The following RHPN2 variants were observed in gnomAD, a reference collection of about 807,000 sequenced individuals.
RHPN2 encodes rhophilin-2.
A neutral mutation model predicts 79.0 loss-of-function variants in RHPN2; 40 were observed. The observed-to-expected ratio is 0.51, with a 90% confidence interval of 0.39 to 0.66. RHPN2 has a LOEUF of 0.66. RHPN2 is among the 30% of genes least tolerant of loss of function. The pLI, the probability that RHPN2 is intolerant of heterozygous loss-of-function variation, is 0.00. For missense variants in RHPN2, 686 were observed against 883.5 expected, an observed-to-expected ratio of 0.78 and a Z score of 2.83; for synonymous variants, 285 against 363.5, an observed-to-expected ratio of 0.78 and a Z score of 2.46.
chr19:32,986,790 T>A (rs1971615920), intron 14 of RHPN2, among the ~76,000 whole-genome samples: 1 of 134,616 alleles, frequency 7.4e-6, no homozygotes, highest in African/African-American at 3.1e-5. Context: ...CAAGACTCTG[T>A]CTCAAAAAAA....
chr19:33,002,426 A>C (rs777351355), intron 8 of RHPN2, 23 bp from the exon 9 acceptor site: 1 of 1,613,620 alleles, frequency 6.2e-7, no homozygotes. Flanking sequence ...GGACACTGGG[A>C]AGGGGCAGCC....
intron 1 of RHPN2, among the ~76,000 whole-genome samples, chr19:33,061,760 G>A (rs950281395): frequency 1.3e-5 from 2 of 151,658 alleles, no homozygotes; most frequent in African/African-American, 4.8e-5. Context: ...CTGGGATTAC[G>A]GGTGTGAGCC....
intron 4 of RHPN2, among the ~76,000 whole-genome samples, chr19:33,019,754 A>T (rs1418693460): frequency 3.3e-5 from 5 of 151,672 alleles, no homozygotes; most frequent in Non-Finnish European, 7.4e-5. Context: ...AAAAAGTGAG[A>T]CTCTGTCTCA....
At chr19:33,046,368 C>A (rs901327100) in intron 1 of RHPN2, among the ~76,000 whole-genome samples, 5 of 151,960 alleles carry the variant, frequency 3.3e-5, no homozygotes, top group Non-Finnish European at 7.4e-5. Context: ...CAGGTTCGAA[C>A]GATTCTCCTG....
intron 2 of RHPN2, among the ~76,000 whole-genome samples, chr19:33,031,444 C>A (rs1351916093): frequency 6.6e-6 from 1 of 151,686 alleles, no homozygotes; most frequent in Non-Finnish European, 1.5e-5. Flanking sequence ...ATTTTTTCAC[C>A]ATGTTGCCCA....
intron 7 of RHPN2, among the ~76,000 whole-genome samples, chr19:33,005,284 A>G (rs1398688018): frequency 6.6e-6 from 1 of 151,604 alleles, no homozygotes; most frequent in African/African-American, 2.4e-5. Flanking sequence ...GTGGTGGTGC[A>G]CGCCTATAAT....
At chr19:33,057,500 G>A (rs772006464) in intron 1 of RHPN2, among the ~76,000 whole-genome samples, 1 of 151,416 alleles carries the variant, frequency 6.6e-6, no homozygotes, top group Non-Finnish European at 1.5e-5. Context: ...GACCAACATG[G>A]AGAAACTTTG....
rs555507185 is a variant in RHPN2 at position 32,991,413 on chromosome 19, C to G, written c.1644+410G>C. ...GGTGGAGGTTGCAGTGAACCAAGAT[C>G]GCGCCACTGCACTCCAGCCTGGGCG... On this transcript the variant is annotated intron_variant, in intron 13 of 14. Coordinates refer to ENST00000254260, the MANE Select transcript of RHPN2 (RefSeq NM_033103.5). 130 of 251,866 alleles carry G rather than the reference C, an allele frequency of 5.2e-4. 1 individual carries two copies. Among genetic ancestry groups the G allele is most frequent in the African/African-American group, 2.9e-3 (127 of 43,886 alleles). The allele number at this position is 251,866 out of a possible 1,614,324, so 15.6% of individuals were successfully genotyped here. A position where few individuals can be genotyped will look rare whatever the true frequency, so the allele number is the denominator to read the frequency against.
At chr19:33,033,245 T>C (rs746928445) in intron 2 of RHPN2, among the ~76,000 whole-genome samples, 2 of 152,052 alleles carry the variant, frequency 1.3e-5, no homozygotes, top group Non-Finnish European at 2.9e-5. Flanking sequence ...TGATTGGTGC[T>C]TAGTACCACA....
intron 11 of RHPN2, 44 bp from the exon 12 acceptor site, chr19:32,994,097 T>C (rs1414819079): frequency 2.9e-6 from 4 of 1,383,266 alleles, no homozygotes; most frequent in Non-Finnish European, 4.1e-6. Flanking sequence ...GTTTCTGTAA[T>C]TGAAAGTGAT....
chr19:33,036,609 G>A (rs902500931), intron 2 of RHPN2, among the ~76,000 whole-genome samples: 3 of 152,174 alleles, frequency 2.0e-5, no homozygotes, highest in African/African-American at 7.2e-5. Flanking sequence ...GGCCCGAGCC[G>A]GCTCCCTCAG....
chr19:33,013,415 A>C (rs904620488), intron 4 of RHPN2, among the ~76,000 whole-genome samples: 2 of 151,820 alleles, frequency 1.3e-5, no homozygotes, highest in African/African-American at 2.4e-5. Flanking sequence ...GGCTGGTCTC[A>C]AACTCCTGGG....
chr19:33,030,670 A>G (rs1972003979), intron 2 of RHPN2, among the ~76,000 whole-genome samples: 1 of 152,232 alleles, frequency 6.6e-6, no homozygotes, highest in South Asian at 2.1e-4. Flanking sequence ...TGCCCCTGCA[A>G]CAAAAGTCTC....
chr19:33,027,430 T>C (rs1193731486), intron 2 of RHPN2, among the ~76,000 whole-genome samples: 2 of 151,728 alleles, frequency 1.3e-5, no homozygotes, highest in Admixed American at 6.6e-5. Context: ...AGGAGGTTGA[T>C]ACTGCAGTGA....
intron 6 of RHPN2, among the ~76,000 whole-genome samples, chr19:33,009,489 T>A (rs1421268634): frequency 6.6e-6 from 1 of 152,176 alleles, no homozygotes; most frequent in African/African-American, 2.4e-5. Flanking sequence ...CTCACTCTGT[T>A]GCCTAGGCTG....
chr19:32,992,680 G>A (rs1290431264), intron 12 of RHPN2, among the ~76,000 whole-genome samples: 1 of 151,978 alleles, frequency 6.6e-6, no homozygotes, highest in Non-Finnish European at 1.5e-5. Flanking sequence ...GCATGGTGGT[G>A]CACGCCAATG....
At chr19:33,048,092 T>C (rs1972156495) in intron 1 of RHPN2, among the ~76,000 whole-genome samples, 1 of 152,064 alleles carries the variant, frequency 6.6e-6, no homozygotes, top group Non-Finnish European at 1.5e-5. Flanking sequence ...AGTTGGCTTC[T>C]GTAGACAGGC....
chr19:33,064,655 G>C, intron 1 of RHPN2, 129 bp downstream of exon 1: 1 of 958,500 alleles, frequency 1.0e-6, no homozygotes, highest in Non-Finnish European at 1.5e-6. Flanking sequence ...GCCAGCGCCG[G>C]CCCAGTGCGC....
chr19:32,999,498 C>A, intron 10 of RHPN2, 88 bp downstream of exon 10: 1 of 1,536,028 alleles, frequency 6.5e-7, no homozygotes, highest in Non-Finnish European at 8.9e-7. Context: ...CTCCCGGGCC[C>A]TCTTCAGGGA....
Sources: gnomAD v4.1 joint callset for allele counts (sites outside exome capture counted in the v4.1 genomes callset) on GRCh38, gnomAD v4.1.1 for gene constraint, MANE v1.5 for transcripts, NCBI Gene and HGNC (gene_info 2026-07-23, HGNC 2026-07-21) for gene names.